Variants in GALNT1 observed in about 807,000 individuals in gnomAD.
GALNT1 encodes polypeptide N-acetylgalactosaminyltransferase 1, also known as GalNAc transferase 1.
GALNT1 carries 17 observed loss-of-function variants against 65.7 expected under a neutral mutation model. That is an observed-to-expected ratio of 0.26 (90% CI 0.18 to 0.39). The LOEUF (loss-of-function observed/expected upper bound fraction) is 0.39, where lower values mean the gene tolerates loss of function less well. Among genes scored for constraint, GALNT1 ranks in the 10% least tolerant of loss-of-function variants. The pLI, the probability that GALNT1 is intolerant of heterozygous loss-of-function variation, is 1.00. For synonymous variants in GALNT1, 210 were observed against 219.7 expected, an observed-to-expected ratio of 0.96 and a Z score of 0.39; for missense variants, 460 against 672.8, an observed-to-expected ratio of 0.68 and a Z score of 3.50.
intron 1 of GALNT1, among the ~76,000 whole-genome samples, chr18:35,631,989 C>T (rs972109481): frequency 2.2e-4 from 33 of 152,248 alleles, no homozygotes; most frequent in African/African-American, 6.3e-4. Context: ...ATCCAACTTA[C>T]AAGGGATGTG....
intron 11 of GALNT1, among the ~76,000 whole-genome samples, chr18:35,706,750 G>T (rs1422095852): frequency 2.6e-5 from 4 of 152,152 alleles, no homozygotes; most frequent in African/African-American, 9.7e-5. Flanking sequence ...GAGTTGCAAT[G>T]CAGGTCCAAC....
rs765500133 is a variant in GALNT1 at position 35,605,716 on chromosome 18, A to G, written c.-104+23854A>G. On this transcript the variant is annotated intron_variant, in intron 1 of 11. Coordinates refer to ENST00000269195, the MANE Select transcript of GALNT1 (RefSeq NM_020474.4). ...TATAATGAACCCTCATATACTCATC[A>G]TCTAACCTCAGTAATTATCAACATT... Among the ~76,000 whole-genome samples the G allele has an allele frequency of 2.0e-5, 3 of 152,164 alleles. No homozygotes were observed. The East Asian group carries it at 5.8e-4, about 29-fold the overall frequency.
intron 1 of GALNT1, among the ~76,000 whole-genome samples, chr18:35,651,633 T>A (rs2047312297): frequency 6.6e-6 from 1 of 152,174 alleles, no homozygotes; most frequent in Non-Finnish European, 1.5e-5. Flanking sequence ...TTGTGTGCCT[T>A]TTGGAACAAG....
At chr18:35,683,924 C>T (rs1324043595) in intron 5 of GALNT1, among the ~76,000 whole-genome samples, 1 of 152,220 alleles carries the variant, frequency 6.6e-6, no homozygotes, top group Non-Finnish European at 1.5e-5. Flanking sequence ...TTCACTTGTC[C>T]TTGCACTCTA....
chr18:35,688,184 G>A (rs2047897844), intron 6 of GALNT1, among the ~76,000 whole-genome samples: 1 of 152,152 alleles, frequency 6.6e-6, no homozygotes. Context: ...AAAAAACTCA[G>A]GTCAAGAAAA....
intron 1 of GALNT1, among the ~76,000 whole-genome samples, chr18:35,630,992 A>G (rs2046999521): frequency 6.6e-6 from 1 of 152,224 alleles, no homozygotes; most frequent in Non-Finnish European, 1.5e-5. Flanking sequence ...CACTCTCCCA[A>G]GACTAAACCA....
intron 9 of GALNT1, among the ~76,000 whole-genome samples, chr18:35,700,913 TATC>T (rs1159742455): frequency 1.3e-5 from 2 of 152,220 alleles, no homozygotes; most frequent in Non-Finnish European, 2.9e-5. Context: ...CTGTGGCATT[TATC>T]ATCTTTCTTT....
At chr18:35,594,500 A>G (rs954499408) in intron 1 of GALNT1, among the ~76,000 whole-genome samples, 4 of 152,178 alleles carry the variant, frequency 2.6e-5, no homozygotes, top group Admixed American at 2.6e-4. Context: ...GTAGGTTTAC[A>G]GGGGACCTTG....
intron 11 of GALNT1, among the ~76,000 whole-genome samples, chr18:35,704,790 C>T (rs2048228452): frequency 6.6e-6 from 1 of 151,882 alleles, no homozygotes; most frequent in Admixed American, 6.6e-5. Flanking sequence ...ATTACAGGTG[C>T]CCGCCACCAT....
chr18:35,624,161 T>C (rs187990792), intron 1 of GALNT1, among the ~76,000 whole-genome samples: 87 of 152,352 alleles, frequency 5.7e-4, no homozygotes, highest in Admixed American at 5.2e-4. Flanking sequence ...TCCTGTGTTA[T>C]ATGATTCAAG....
At chr18:35,623,250 T>A (rs932650244) in intron 1 of GALNT1, among the ~76,000 whole-genome samples, 1 of 152,192 alleles carries the variant, frequency 6.6e-6, no homozygotes, top group Non-Finnish European at 1.5e-5. Flanking sequence ...TGACATTTCT[T>A]TACTTGAAAA....
intron 1 of GALNT1, among the ~76,000 whole-genome samples, chr18:35,612,229 T>G (rs2046726727): frequency 6.6e-6 from 1 of 152,160 alleles, no homozygotes; most frequent in African/African-American, 2.4e-5. Context: ...CACATGATTC[T>G]TATGAAAAGA....
At chr18:35,617,447 C>T (rs373693257) in intron 1 of GALNT1, among the ~76,000 whole-genome samples, 4 of 152,170 alleles carry the variant, frequency 2.6e-5, no homozygotes, top group Non-Finnish European at 5.9e-5. Flanking sequence ...AAAGTTACTT[C>T]TTTGTTTTAA....
chr18:35,708,709 C>T (rs930913759), intron 11 of GALNT1, among the ~76,000 whole-genome samples: 10 of 151,274 alleles, frequency 6.6e-5, no homozygotes, highest in Non-Finnish European at 1.0e-4. Flanking sequence ...TGTTAACTAT[C>T]TATCTGTTAA....
At chr18:35,702,802 A>C in intron 9 of GALNT1, 95 bp from the exon 10 acceptor site, 1 of 713,038 alleles carries the variant, frequency 1.4e-6, no homozygotes, top group Non-Finnish European at 2.2e-6. Context: ...GGGCCAGGGA[A>C]AGTTTAGGTT....
chr18:35,621,350 C>CT (rs1314685259), intron 1 of GALNT1, among the ~76,000 whole-genome samples: 21 of 144,400 alleles, frequency 1.5e-4, no homozygotes, highest in African/African-American at 3.5e-4. Flanking sequence ...GGCTAATTTT[C>CT]TTTTTTTTTA....
At chr18:35,640,092 C>A (rs1275530663) in intron 1 of GALNT1, among the ~76,000 whole-genome samples, 1 of 152,182 alleles carries the variant, frequency 6.6e-6, no homozygotes, top group Non-Finnish European at 1.5e-5. Context: ...GCCACCATGT[C>A]CAGCCTTAAC....
In GALNT1 at chr18:35,691,068, G is replaced by A. The variant is rs1248823189; in HGVS notation, c.1035G>A (p.Val345=). 1 of 1,611,528 alleles carries A rather than the reference G, an allele frequency of 6.2e-7. No individual in the cohort carries two copies. Residue 345 remains valine, a synonymous_variant, in exon 8 of 12, where the codon GTG becomes GTA. Transcript: ENST00000269195. Reference sequence around the variant, plus strand: ...TTACATGCTCACATGTTGGACATGTGTTTCGGAAAGCTACACCTTACACGT... The same window carrying A: ...TTACATGCTCACATGTTGGACATGTATTTCGGAAAGCTACACCTTACACGT... ...EIVTCSHVGH[V]FRKATPYTFP...
At chr18:35,681,573 A>C (rs1383047108) in intron 4 of GALNT1, among the ~76,000 whole-genome samples, 1 of 152,030 alleles carries the variant, frequency 6.6e-6, no homozygotes, top group Non-Finnish European at 1.5e-5. Context: ...TTTAGTTCTG[A>C]AGAAACGTTT....
Sources: gnomAD v4.1 joint callset for allele counts (sites outside exome capture counted in the v4.1 genomes callset) on GRCh38, gnomAD v4.1.1 for gene constraint, MANE v1.5 for transcripts, NCBI Gene and HGNC (gene_info 2026-07-23, HGNC 2026-07-21) for gene names.